The following AKIRIN1 variants were observed in gnomAD, a reference collection of about 807,000 sequenced individuals.
The protein encoded by AKIRIN1 is akirin 1.
AKIRIN1 carries 4 observed loss-of-function variants against 25.9 expected under a neutral mutation model. The ratio of observed to expected loss-of-function variants is 0.15; its 90% CI spans 0.08 to 0.35. AKIRIN1 has a LOEUF of 0.35. Among genes scored for constraint, AKIRIN1 ranks in the 10% least tolerant of loss-of-function variants. The pLI is 1.00. For missense variants in AKIRIN1, 243 were observed against 266.1 expected, an observed-to-expected ratio of 0.91 and a Z score of 0.61; for synonymous variants, 125 against 105.1, an observed-to-expected ratio of 1.19 and a Z score of -1.16.
chr1:38,994,101 G>A lies in AKIRIN1; in HGVS notation c.220+2501G>A, dbSNP rs146426970. 4.2e-3 allele frequency among the ~76,000 whole-genome samples: 638 copies of A among 152,060 alleles called. 1 individual carries two copies. The highest frequency in any genetic ancestry group is 0.011 in the African/African-American group (473 of 41,510). ...AAAAAAAAAGCTAAAAAATTAGCTG[G>A]GCAATTTTTCTGAAATCCGAAATGC... On this transcript the variant is annotated intron_variant, in intron 1 of 4. Coordinates refer to ENST00000432648, the MANE Select transcript of AKIRIN1 (RefSeq NM_024595.3).
intron 1 of AKIRIN1, among the ~76,000 whole-genome samples, chr1:38,993,623 C>T (rs1483718344): frequency 7.6e-6 from 1 of 131,124 alleles, no homozygotes; most frequent in Non-Finnish European, 1.7e-5. Context: ...AAGAGCGAAA[C>T]TCCATCTCAA....
chr1:39,004,193 A>G lies in AKIRIN1; in HGVS notation c.*138A>G. 1 of 960,254 alleles carries G rather than the reference A, an allele frequency of 1.0e-6. No individual in the cohort carries two copies. The highest frequency in any genetic ancestry group is 1.7e-6 in the Non-Finnish European group (1 of 591,526). The allele number at this position is 960,254 out of a possible 1,614,324, so 59.5% of individuals were successfully genotyped here. On this transcript the variant is annotated 3_prime_UTR_variant, in exon 5 of 5. Transcript: ENST00000432648. ...TTAAACGTTTCTGCAGGTCCATTTTATACAACTTGAAAGACCGTAAAACTT... is the reference window on the plus strand; with the variant it reads ...TTAAACGTTTCTGCAGGTCCATTTTGTACAACTTGAAAGACCGTAAAACTT...
chr1:38,997,530 C>A lies in AKIRIN1; in HGVS notation c.221-641C>A, dbSNP rs544638758. The stretch of plus-strand genomic sequence containing the variant: ...GTTTTTTAGATAAATCACCCAGGCT[C>A]CCTTGTGGTTTTTTTTTGAGACGAG... On this transcript the variant is annotated intron_variant, in intron 1 of 4. Transcript: ENST00000432648. 2.6e-5 allele frequency among the ~76,000 whole-genome samples: 4 copies of A among 152,194 alleles called. No homozygotes were observed. The East Asian group carries it at 7.7e-4, about 29-fold the overall frequency.
At chr1:39,000,845 T>G (rs1570975757) in intron 2 of AKIRIN1, 127 bp from the exon 3 acceptor site, 1 of 1,056,038 alleles carries the variant, frequency 9.5e-7, no homozygotes, top group Non-Finnish European at 1.4e-6. Flanking sequence ...TAGTAGAGAC[T>G]GGGTTTCTCC....
At chr1:38,995,975 A>G (rs999690751) in intron 1 of AKIRIN1, among the ~76,000 whole-genome samples, 2 of 152,216 alleles carry the variant, frequency 1.3e-5, no homozygotes, top group African/African-American at 4.8e-5. Context: ...TAGAGGTTGC[A>G]GTGAACTGAG....
chr1:39,002,063 A>G (rs1570976835), intron 3 of AKIRIN1, among the ~76,000 whole-genome samples: 1 of 152,230 alleles, frequency 6.6e-6, no homozygotes, highest in African/African-American at 2.4e-5. Context: ...GTACCTGTTT[A>G]GTGAAAGTGG....
At chr1:39,003,698 G>A (rs539274280) in intron 4 of AKIRIN1, among the ~76,000 whole-genome samples, 5 of 152,316 alleles carry the variant, frequency 3.3e-5, no homozygotes, top group Admixed American at 2.6e-4. Context: ...TTAAAATCTA[G>A]GTAGTCTGAC....
At chr1:38,991,654 G>A in intron 1 of AKIRIN1, 54 bp downstream of exon 1, 2 of 1,020,338 alleles carry the variant, frequency 2.0e-6, no homozygotes, top group South Asian at 3.0e-5. Context: ...CATTTTTTGG[G>A]GGGGGTGGTG....
rs1224921602 is a variant in AKIRIN1 at position 39,004,438 on chromosome 1, AT to A, written c.*385del. 6.7e-6 allele frequency: 2 copies of A among 296,514 alleles called. No individual in the cohort carries two copies. The highest frequency in any genetic ancestry group is 1.8e-4 in the East Asian group (2 of 11,392). 18.4% of individuals were successfully genotyped at this position (296,514 alleles called of 1,614,324 possible). A position where few individuals can be genotyped will look rare whatever the true frequency, so the allele number is the denominator to read the frequency against. On this transcript the variant is annotated 3_prime_UTR_variant, in exon 5 of 5. Coordinates refer to ENST00000432648, the MANE Select transcript of AKIRIN1 (RefSeq NM_024595.3). ...ATGTGTATTTTAAGTTATTATTTGT[AT>A]TGTGCAAAAATTTTTTTTTGATCTT...
rs917080064 is a variant in AKIRIN1, at chr1:38,991,542, A to T, written c.162A>T (p.Pro54=). The change falls in exon 1 of 5, where the codon CCA becomes CCT. Residue 54 remains proline (P), a synonymous_variant. Coordinates refer to ENST00000432648, the MANE Select transcript of AKIRIN1 (RefSeq NM_024595.3). ...EPPPPFQTQT[P]PQSLQQPAPP... ...CGCCGCCGTTTCAGACGCAGACCCC[A>T]CCGCAGAGTCTGCAGCAGCCCGCCC... 36 of 1,453,482 alleles carry T rather than the reference A, an allele frequency of 2.5e-5. No individual in the cohort carries two copies. The highest frequency in any genetic ancestry group is 3.2e-5 in the Non-Finnish European group (35 of 1,107,678). 90.0% of individuals were successfully genotyped at this position (1,453,482 alleles called of 1,614,324 possible).
At chr1:39,003,161 G>A (rs187458601) in intron 3 of AKIRIN1, among the ~76,000 whole-genome samples, 186 bp from the exon 4 acceptor site, 21 of 152,192 alleles carry the variant, frequency 1.4e-4, no homozygotes, top group African/African-American at 4.8e-4. Flanking sequence ...TTTGGCTCTG[G>A]GTTCTAAGAG....
At chr1:38,996,220 A>T (rs1035898678) in intron 1 of AKIRIN1, among the ~76,000 whole-genome samples, 6 of 151,410 alleles carry the variant, frequency 4.0e-5, no homozygotes, top group African/African-American at 1.5e-4. Flanking sequence ...TCAGCCTCCC[A>T]AGTAGCTGGG....
intron 1 of AKIRIN1, among the ~76,000 whole-genome samples, chr1:38,993,388 G>C (rs1643923412): frequency 6.6e-6 from 1 of 151,822 alleles, no homozygotes; most frequent in South Asian, 2.1e-4. Flanking sequence ...AAAAATAGCC[G>C]GGCGAGGTTG....
chr1:38,994,037 T>TC (rs1643928652), intron 1 of AKIRIN1, among the ~76,000 whole-genome samples: 1 of 149,298 alleles, frequency 6.7e-6, no homozygotes, highest in Admixed American at 6.7e-5. Context: ...GCCATTGCAC[T>TC]CCATCCTGGG....
chr1:38,995,221 A>G (rs1643938993), intron 1 of AKIRIN1, among the ~76,000 whole-genome samples: 1 of 152,194 alleles, frequency 6.6e-6, no homozygotes, highest in African/African-American at 2.4e-5. Flanking sequence ...TAAGGAGAGA[A>G]TAATGTAATG....
rs772698878 is a variant in AKIRIN1 at position 39,004,098 on chromosome 1, T to C, written c.*43T>C. The C allele has an allele frequency of 1.3e-6, 2 of 1,598,432 alleles. No individual in the cohort carries two copies. Among genetic ancestry groups the C allele is most frequent in the South Asian group, 2.2e-5 (2 of 90,708 alleles). On this transcript the variant is annotated 3_prime_UTR_variant, in exon 5 of 5. Transcript: ENST00000432648. ...GGGTACCAGGTTTGACCTCAAGAGA[T>C]GGCTGCTGTACACTTTTTGCAACTG...
At chr1:38,995,097 C>T (rs2148065640) in intron 1 of AKIRIN1, among the ~76,000 whole-genome samples, 1 of 152,244 alleles carries the variant, frequency 6.6e-6, no homozygotes, top group African/African-American at 2.4e-5. Context: ...TCCCAAAGTG[C>T]TGGGATTGCA....
Position 38,991,894 on chromosome 1 carries a change from G to C in AKIRIN1, c.220+294G>C, listed in dbSNP as rs578114123. Reference sequence around the variant, plus strand: ...CTGGCCGCTCCGGGCCCTCCCTGTCGCTGAAGCCCCTCCTTCCTCCGCTGG... The same window carrying C: ...CTGGCCGCTCCGGGCCCTCCCTGTCCCTGAAGCCCCTCCTTCCTCCGCTGG... On this transcript the variant is annotated intron_variant, in intron 1 of 4. Transcript: ENST00000432648. Among the ~76,000 whole-genome samples the C allele has an allele frequency of 3.0e-4, 46 of 152,074 alleles. No homozygotes were observed. The South Asian group carries it at 6.4e-3, about 21-fold the overall frequency.
chr1:38,996,599 G>A (rs886865600), intron 1 of AKIRIN1, among the ~76,000 whole-genome samples: 5 of 151,656 alleles, frequency 3.3e-5, no homozygotes, highest in Admixed American at 1.3e-4. Context: ...GCACAATCTC[G>A]GCTCAGTGCA....
Sources: gnomAD v4.1 joint callset for allele counts (sites outside exome capture counted in the v4.1 genomes callset) on GRCh38, gnomAD v4.1.1 for gene constraint, MANE v1.5 for transcripts, NCBI Gene and HGNC (gene_info 2026-07-23, HGNC 2026-07-21) for gene names.